Variants in CNTN4 observed in about 807,000 individuals in gnomAD.
CNTN4 encodes contactin-4.
Under a neutral mutation model 122.5 loss-of-function variants are expected in CNTN4, and 77 were observed. That is an observed-to-expected ratio of 0.63 (90% confidence interval 0.52 to 0.76). The LOEUF (loss-of-function observed/expected upper bound fraction) is 0.76, where lower values mean the gene tolerates loss of function less well. CNTN4 is among the 30% of genes least tolerant of loss of function. CNTN4 has a pLI of 0.00. For synonymous variants in CNTN4, 512 were observed against 447.0 expected (o/e 1.15, Z -1.83); for missense variants, 1,256 against 1,259.1 (o/e 1.00, Z 0.04).
At chr3:2,394,547 C>G (rs1056964910) in intron 3 of CNTN4, among the ~76,000 whole-genome samples, 2 of 152,048 alleles carry the variant, frequency 1.3e-5, no homozygotes, top group South Asian at 4.1e-4. Flanking sequence ...ACTGAAATGG[C>G]TGATATGAAA....
intron 4 of CNTN4, among the ~76,000 whole-genome samples, chr3:2,671,490 T>A (rs530439745): frequency 1.3e-5 from 2 of 152,288 alleles, no homozygotes; most frequent in South Asian, 4.1e-4. Flanking sequence ...TAGCCATTCA[T>A]GTAATCTTTT....
At chr3:2,801,568 A>G (rs908864236) in intron 6 of CNTN4, among the ~76,000 whole-genome samples, 7 of 152,206 alleles carry the variant, frequency 4.6e-5, no homozygotes, top group Admixed American at 2.0e-4. Flanking sequence ...TTGGAGAAAA[A>G]TAAAGCATTA....
At chr3:2,492,213 A>T (rs1426957126) in intron 3 of CNTN4, among the ~76,000 whole-genome samples, 1 of 152,180 alleles carries the variant, frequency 6.6e-6, no homozygotes, top group Non-Finnish European at 1.5e-5. Context: ...TTTGATGTAA[A>T]AGGTGGCACA....
At chr3:2,596,376 C>A (rs2080772007) in intron 4 of CNTN4, among the ~76,000 whole-genome samples, 1 of 152,066 alleles carries the variant, frequency 6.6e-6, no homozygotes, top group African/African-American at 2.4e-5. Flanking sequence ...GTAAAATGGA[C>A]ATCGGTTGTC....
chr3:2,611,032 A>G (rs1330394495), intron 4 of CNTN4, among the ~76,000 whole-genome samples: 2 of 152,090 alleles, frequency 1.3e-5, no homozygotes, highest in Non-Finnish European at 2.9e-5. Context: ...TTCCATTATA[A>G]CATGCTTTAT....
intron 2 of CNTN4, among the ~76,000 whole-genome samples, chr3:2,161,609 T>C (rs2035970733): frequency 6.6e-6 from 1 of 152,124 alleles, no homozygotes; most frequent in Non-Finnish European, 1.5e-5. Flanking sequence ...TGGTCCATGA[T>C]CATATTTTTT....
intron 8 of CNTN4, among the ~76,000 whole-genome samples, chr3:2,881,640 C>T (rs1007689414): frequency 8.9e-5 from 10 of 112,592 alleles, no homozygotes; most frequent in African/African-American, 3.1e-4. Flanking sequence ...GCACCTGTCC[C>T]CCATCCAGTG....
intron 4 of CNTN4, among the ~76,000 whole-genome samples, chr3:2,572,281 G>A (rs2079456421): frequency 1.3e-5 from 2 of 152,254 alleles, no homozygotes; most frequent in South Asian, 4.1e-4. Context: ...AGCTACTCGG[G>A]GAGCTGAGGC....
intron 5 of CNTN4, among the ~76,000 whole-genome samples, chr3:2,744,546 C>G (rs915635892): frequency 6.6e-6 from 1 of 152,198 alleles, no homozygotes; most frequent in Non-Finnish European, 1.5e-5. Flanking sequence ...TGGTAATTCA[C>G]AAACTCCTAC....
chr3:2,739,170 T>C (rs939713170), intron 5 of CNTN4, among the ~76,000 whole-genome samples: 1 of 152,056 alleles, frequency 6.6e-6, no homozygotes, highest in African/African-American at 2.4e-5. Context: ...CAGAAATATA[T>C]AATTAAAACT....
At chr3:2,768,098 G>A (rs1475255723) in intron 6 of CNTN4, among the ~76,000 whole-genome samples, 2 of 152,146 alleles carry the variant, frequency 1.3e-5, no homozygotes, top group African/African-American at 2.4e-5. Flanking sequence ...CATCTGTGGA[G>A]CCTTCATATT....
chr3:2,888,363 A>T (rs1371075210), intron 10 of CNTN4, among the ~76,000 whole-genome samples: 2 of 152,120 alleles, frequency 1.3e-5, no homozygotes, highest in East Asian at 3.9e-4. Context: ...AGCCCTTTGA[A>T]AAGACTCCAT....
intron 4 of CNTN4, among the ~76,000 whole-genome samples, chr3:2,671,336 C>T (rs184700441): frequency 1.2e-4 from 18 of 152,274 alleles, no homozygotes; most frequent in Admixed American, 1.1e-3. Flanking sequence ...TCATTTCACT[C>T]ATTTGATCTT....
At chr3:2,283,148 G>A (rs1325715537) in intron 2 of CNTN4, among the ~76,000 whole-genome samples, 1 of 152,098 alleles carries the variant, frequency 6.6e-6, no homozygotes, top group Non-Finnish European at 1.5e-5. Flanking sequence ...TACATTACGT[G>A]AATTTTATCT....
At chr3:2,447,431 A>G (rs945938910) in intron 3 of CNTN4, among the ~76,000 whole-genome samples, 1 of 152,144 alleles carries the variant, frequency 6.6e-6, no homozygotes, top group Non-Finnish European at 1.5e-5. Context: ...TAACTCCTCA[A>G]AAAAAGCCAG....
intron 4 of CNTN4, among the ~76,000 whole-genome samples, chr3:2,680,419 C>G (rs2085102215): frequency 6.6e-6 from 1 of 152,174 alleles, no homozygotes; most frequent in Non-Finnish European, 1.5e-5. Flanking sequence ...TGGTGGTGCT[C>G]AGTCCTGGCT....
intron 8 of CNTN4, chr3:2,882,863 C>T: frequency 2.9e-5 from 10 of 343,370 alleles, no homozygotes; most frequent in Non-Finnish European, 4.5e-5. Flanking sequence ...CCTTTTTTTC[C>T]TTAAGACTAC....
At chr3:2,596,097 A>G (rs2080757923) in intron 4 of CNTN4, among the ~76,000 whole-genome samples, 1 of 152,248 alleles carries the variant, frequency 6.6e-6, no homozygotes, top group African/African-American at 2.4e-5. Flanking sequence ...AATTAAAAGC[A>G]ATGAATGAAT....
intron 2 of CNTN4, among the ~76,000 whole-genome samples, chr3:2,125,330 CTGTGTGTGTGTG>C (rs397721422): frequency 4.2e-5 from 6 of 143,470 alleles, no homozygotes; most frequent in East Asian, 2.1e-4. Flanking sequence ...ATTCTATTCT[CTGTGTGTGTGTG>C]TGTGTGTGTG....
Sources: gnomAD v4.1 joint callset for allele counts (sites outside exome capture counted in the v4.1 genomes callset) on GRCh38, gnomAD v4.1.1 for gene constraint, MANE v1.5 for transcripts, NCBI Gene and HGNC (gene_info 2026-07-23, HGNC 2026-07-21) for gene names.